Variants in RELN observed in about 807,000 individuals in gnomAD.
RELN encodes reelin.
RELN carries 108 observed loss-of-function variants against 427.6 expected under a neutral mutation model. The observed-to-expected ratio is 0.25, with a 90% CI of 0.22 to 0.30. RELN has a LOEUF of 0.30. Among genes scored for constraint, RELN ranks in the 10% least tolerant of loss-of-function variants. The pLI is 1.00. For missense variants in RELN, 3,715 were observed against 4,302.8 expected (o/e 0.86, Z 3.82); for synonymous variants, 1,524 against 1,513.4 (o/e 1.01, Z -0.16).
At position 103,540,389 on chromosome 7, in the gene RELN, C is replaced by G. The variant is rs1830152011; in HGVS notation, c.6738G>C (p.Val2246=). 1 of 1,614,054 alleles carries G rather than the reference C, an allele frequency of 6.2e-7. No individual in the cohort carries two copies. Among genetic ancestry groups the G allele is most frequent in the African/African-American group, 1.3e-5 (1 of 75,028 alleles). The part of the protein sequence containing the change: ...KGVPDPRSQP[V]LLQYSLNGGL... Reference sequence around the variant, plus strand: ...CACCGTTGAGAGAATACTGTAGGAGCACGGGTTGACTCCTGGGGTCAGGAA... The same window carrying G: ...CACCGTTGAGAGAATACTGTAGGAGGACGGGTTGACTCCTGGGGTCAGGAA... The change falls in exon 44 of 65, where the codon GTG becomes GTC. Residue 2246 remains valine (V), a synonymous_variant. Transcript: ENST00000428762.
chr7:103,885,468 T>A (rs1181644238), intron 2 of RELN, among the ~76,000 whole-genome samples: 1 of 152,128 alleles, frequency 6.6e-6, no homozygotes, highest in Admixed American at 6.6e-5. Flanking sequence ...ACCATCAGTC[T>A]CAGCAAACTA....
rs182058465 is a variant in RELN at position 103,566,864 on chromosome 7, A to G, written c.4589-105T>C. On this transcript the variant is annotated intron_variant, in intron 31 of 64. Coordinates refer to ENST00000428762, the MANE Select transcript of RELN (RefSeq NM_005045.4). ...GCAGCAACCTCAAATTGTGTCTCCT[A>G]GAACGAGGGCACATTTGTGTAACTT... is the stretch of plus-strand genomic sequence containing the variant. 4.7e-6 allele frequency: 5 copies of G among 1,073,774 alleles called. No individual in the cohort carries two copies. In the East Asian group the frequency reaches 1.2e-4, roughly 26 times the overall value. The allele number at this position is 1,073,774 out of a possible 1,614,324, so 66.5% of individuals were successfully genotyped here. A position where few individuals can be genotyped will look rare whatever the true frequency, so the allele number is the denominator to read the frequency against.
chr7:103,739,358 A>G (rs891352521), intron 6 of RELN, among the ~76,000 whole-genome samples: 1 of 152,222 alleles, frequency 6.6e-6, no homozygotes, highest in African/African-American at 2.4e-5. Context: ...ATTTAGTTAT[A>G]CGAGGTTTTC....
At chr7:103,608,913 A>C (rs1393952707) in intron 22 of RELN, among the ~76,000 whole-genome samples, 1 of 152,154 alleles carries the variant, frequency 6.6e-6, no homozygotes, top group Non-Finnish European at 1.5e-5. Flanking sequence ...TTCTAGGGAC[A>C]AAAAGACATC....
intron 47 of RELN, among the ~76,000 whole-genome samples, chr7:103,522,487 C>T (rs995224298): frequency 9.9e-5 from 15 of 152,174 alleles, no homozygotes; most frequent in African/African-American, 3.6e-4. Flanking sequence ...TATCACACAG[C>T]TCTGAAGGGC....
At chr7:103,518,257 G>T (rs1202281486) in intron 49 of RELN, among the ~76,000 whole-genome samples, 1 of 150,916 alleles carries the variant, frequency 6.6e-6, no homozygotes, top group Admixed American at 6.6e-5. Flanking sequence ...TCATTTATAA[G>T]ATTCTTTTTA....
rs373730762 is a variant in RELN at position 103,565,482 on chromosome 7, C to G, written c.5006G>C (p.Ser1669Thr). The change falls in exon 34 of 65, where the codon AGC becomes ACC. Residue 1669 changes from serine (S) to threonine (T), a missense_variant. Ser to Thr is a moderately conservative substitution (Grantham distance 58). Coordinates refer to ENST00000428762, the MANE Select transcript of RELN (RefSeq NM_005045.4). ...GCTGAAGGGCTTGCTACAGCCCATGCTCATTTCAAACTGCAAAAAGGTAGA... is the reference window on the plus strand; with the variant it reads ...GCTGAAGGGCTTGCTACAGCCCATGGTCATTTCAAACTGCAAAAAGGTAGA... ...SASTFLQFEMSMGCSKPFSNS... is the reference protein window; with the variant it reads ...SASTFLQFEMTMGCSKPFSNS... 1.2e-5 allele frequency: 20 copies of G among 1,613,684 alleles called. No homozygotes were observed. In the African/African-American group the frequency reaches 2.7e-4, roughly 22 times the overall value.
At chr7:103,723,098 C>A (rs758012309) in intron 8 of RELN, 42 bp downstream of exon 8, 1 of 1,301,784 alleles carries the variant, frequency 7.7e-7, no homozygotes, top group African/African-American at 1.5e-5. Flanking sequence ...TTAAAGCAAA[C>A]ATTTCCAAAT....
intron 1 of RELN, among the ~76,000 whole-genome samples, chr7:103,985,442 C>T (rs1286181767): frequency 6.6e-6 from 1 of 152,150 alleles, no homozygotes; most frequent in Non-Finnish European, 1.5e-5. Flanking sequence ...GACTCATTTA[C>T]TTAACGCTTG....
chr7:103,784,041 A>G (rs953327375), intron 3 of RELN, among the ~76,000 whole-genome samples: 1 of 152,178 alleles, frequency 6.6e-6, no homozygotes, highest in African/African-American at 2.4e-5. Flanking sequence ...TCACCAATGA[A>G]GTGAATCTGG....
At chr7:103,773,101 T>TTTCTTTCTTTC (rs1791612699) in intron 4 of RELN, among the ~76,000 whole-genome samples, 2 of 6,054 alleles carry the variant, frequency 3.3e-4, no homozygotes, top group South Asian at 0.014. Flanking sequence ...GTTCTCCTCT[T>TTTCTTTCTTTC]TTCTTTCTTT....
intron 6 of RELN, among the ~76,000 whole-genome samples, chr7:103,734,432 T>C (rs1315129754): frequency 2.0e-5 from 3 of 152,158 alleles, no homozygotes; most frequent in Non-Finnish European, 2.9e-5. Context: ...ATCTGACAAA[T>C]ACCTTGGCGT....
In RELN at chr7:103,566,676, G is replaced by C; in HGVS notation, c.4672C>G (p.Gln1558Glu). ...TGTGGCAGGTCAATGGAAATGATCT[G>C]TGGTTCCAGGAAGGACATGAAGTCC... ...ELDFMSFLEP[Q>E]IISIDLPQDA... is the part of the protein sequence containing the mutation. Residue 1558 changes from glutamine to glutamate, a missense_variant, in exon 32 of 65, where the codon CAG becomes GAG. By Grantham distance (29) the Gln-to-Glu change is conservative. Coordinates refer to ENST00000428762, the MANE Select transcript of RELN (RefSeq NM_005045.4). 2 of 1,614,132 alleles carry C rather than the reference G, an allele frequency of 1.2e-6. No individual in the cohort carries two copies. Among genetic ancestry groups the C allele is most frequent in the Non-Finnish European group, 1.7e-6 (2 of 1,179,996 alleles).
intron 1 of RELN, among the ~76,000 whole-genome samples, chr7:103,962,934 C>G (rs1472913113): frequency 6.6e-6 from 1 of 152,062 alleles, no homozygotes; most frequent in Non-Finnish European, 1.5e-5. Context: ...CTTACACTGT[C>G]TAAGGACATG....
chr7:103,730,911 C>T (rs576680622), intron 6 of RELN, among the ~76,000 whole-genome samples: 226 of 152,214 alleles, frequency 1.5e-3, no homozygotes, highest in Middle Eastern at 3.4e-3. Flanking sequence ...ATTTATTAAT[C>T]CATTCTTGTA....
chr7:103,909,672 T>TA lies in RELN; in HGVS notation c.337+7402_337+7403insT, dbSNP rs1197625725. ...TATATTTAATATATATAAATATATA[T>TA]TAAATATATTTAATAAATATATATA... On this transcript the variant is annotated intron_variant, in intron 2 of 64. Coordinates refer to ENST00000428762, the MANE Select transcript of RELN (RefSeq NM_005045.4). Among the ~76,000 whole-genome samples, 2 of 81,290 alleles carry TA rather than the reference T, an allele frequency of 2.5e-5. 1 individual carries two copies. The highest frequency in any genetic ancestry group is 1.1e-4 in the African/African-American group (2 of 18,474). 53.3% of individuals were successfully genotyped at this position (81,290 alleles called of 152,430 possible).
At chr7:103,893,173 G>A (rs2116597094) in intron 2 of RELN, among the ~76,000 whole-genome samples, 1 of 152,254 alleles carries the variant, frequency 6.6e-6, no homozygotes, top group East Asian at 1.9e-4. Flanking sequence ...TGGAATGTAA[G>A]GATGCCAGCA....
intron 2 of RELN, among the ~76,000 whole-genome samples, chr7:103,837,756 A>G (rs1316813437): frequency 6.6e-6 from 1 of 152,122 alleles, no homozygotes; most frequent in African/African-American, 2.4e-5. Flanking sequence ...AGAGCAGTTC[A>G]TACATCCCTT....
chr7:103,657,307 C>T (rs1476621488), intron 12 of RELN, among the ~76,000 whole-genome samples: 1 of 151,716 alleles, frequency 6.6e-6, no homozygotes, highest in Non-Finnish European at 1.5e-5. Context: ...TTGATGGTCT[C>T]TGGAGAAAAA....
Sources: allele counts gnomAD v4.1 joint callset (sites outside exome capture counted in the v4.1 genomes callset), GRCh38; gene constraint gnomAD v4.1.1; transcripts MANE v1.5; gene names NCBI Gene and HGNC (gene_info 2026-07-23, HGNC 2026-07-21).